The following DEFB121 variants were observed in gnomAD, a reference collection of about 807,000 sequenced individuals.
DEFB121 encodes defensin beta 121.
Under a neutral mutation model 2.5 loss-of-function variants are expected in DEFB121, and 5 were observed. The ratio of observed to expected loss-of-function variants is 1.96; its 90% CI spans 1.03 to 4.13. DEFB121 has a LOEUF of 4.13. DEFB121 is among the 30% of genes most tolerant of loss of function. The pLI is 0.00. For synonymous variants in DEFB121, 39 were observed against 32.6 expected, an observed-to-expected ratio of 1.20 and a Z score of -0.67; for missense variants, 87 against 85.0, an observed-to-expected ratio of 1.02 and a Z score of -0.09.
upstream of DEFB121, among the ~76,000 whole-genome samples, chr20:31,415,805 T>C (rs1270239775): frequency 1.3e-5 from 2 of 152,078 alleles, no homozygotes; most frequent in Non-Finnish European, 2.9e-5. Context: ...AAAAGAGTAC[T>C]TCAGGCAAGG....
At chr20:31,408,108 T>C (rs977022621), upstream of DEFB121, among the ~76,000 whole-genome samples, 1 of 151,966 alleles carries the variant, frequency 6.6e-6, no homozygotes, top group Non-Finnish European at 1.5e-5. Flanking sequence ...TGGACAGAAA[T>C]AAAGACATAC....
chr20:31,417,652 A>G (rs1978844586), upstream of DEFB121, among the ~76,000 whole-genome samples: 1 of 152,156 alleles, frequency 6.6e-6, no homozygotes, highest in South Asian at 2.1e-4. Flanking sequence ...AATTGATTTC[A>G]GTAATCCCAC....
upstream of DEFB121, among the ~76,000 whole-genome samples, chr20:31,413,798 AAAC>A (rs1978729189): frequency 6.6e-6 from 1 of 152,352 alleles, no homozygotes; most frequent in South Asian, 2.1e-4. Context: ...AGAATTATCC[AAAC>A]AACAAAAGAC....
At chr20:31,413,811 C>A (rs1978729624), upstream of DEFB121, among the ~76,000 whole-genome samples, 1 of 152,188 alleles carries the variant, frequency 6.6e-6, no homozygotes, top group African/African-American at 2.4e-5. Flanking sequence ...CAACAAAAGA[C>A]AATTGTGGGC....
upstream of DEFB121, among the ~76,000 whole-genome samples, chr20:31,415,696 G>A (rs536490425): frequency 7.2e-5 from 11 of 152,060 alleles, no homozygotes; most frequent in African/African-American, 2.7e-4. Context: ...ACCACCCAAG[G>A]GCCAGGGCAT....
chr20:31,410,700 A>G (rs2122357680), upstream of DEFB121, among the ~76,000 whole-genome samples: 1 of 152,208 alleles, frequency 6.6e-6, no homozygotes, highest in East Asian at 1.9e-4. Flanking sequence ...CTCCTTCCAG[A>G]AGGGACTGCA....
Position 31,406,084 on chromosome 20 carries a change from A to T in DEFB121, c.58+11T>A. The T allele has an allele frequency of 6.2e-7, 1 of 1,614,008 alleles. No homozygotes were observed. The highest frequency in any genetic ancestry group is 1.1e-5 in the South Asian group (1 of 91,070). ...TCCTGACTCCCATCCCCTTCTGGAG[A>T]TCCTGTTTACCTGGGGTGACCTGGG... On this transcript the variant is annotated intron_variant, in intron 1 of 1. Transcript: ENST00000376314.
upstream of DEFB121, among the ~76,000 whole-genome samples, chr20:31,408,026 G>A (rs1193107698): frequency 3.9e-5 from 6 of 152,152 alleles, no homozygotes; most frequent in African/African-American, 1.2e-4. Flanking sequence ...TGATCCACCC[G>A]CCTCAGCCTC....
At chr20:31,409,848 C>T (rs1978608202), upstream of DEFB121, among the ~76,000 whole-genome samples, 1 of 152,150 alleles carries the variant, frequency 6.6e-6, no homozygotes, top group East Asian at 1.9e-4. Flanking sequence ...AGCTTATTCA[C>T]ATGAAACTCT....
chr20:31,410,144 T>G (rs1332294424), upstream of DEFB121, among the ~76,000 whole-genome samples: 6 of 152,224 alleles, frequency 3.9e-5, no homozygotes, highest in Admixed American at 3.3e-4. Context: ...ACACATTTAA[T>G]GTGGTACACA....
At chr20:31,405,954 C>T in intron 1 of DEFB121, 141 bp downstream of exon 1, 1 of 860,520 alleles carries the variant, frequency 1.2e-6, no homozygotes, top group Non-Finnish European at 1.8e-6. Context: ...CTCAAACTTC[C>T]CCATAACTAG....
At chr20:31,412,550 A>C in intron 1 of DEFB121, 1 of 1,140,054 alleles carries the variant, frequency 8.8e-7, no homozygotes. Context: ...TGTAAAGCTC[A>C]GGGAATAGTG....
chr20:31,405,364 G>A (rs1188605852), intron 1 of DEFB121, among the ~76,000 whole-genome samples: 3 of 152,064 alleles, frequency 2.0e-5, no homozygotes, highest in East Asian at 1.9e-4. Flanking sequence ...CCTTGGGAGG[G>A]GGAAGAGGAC....
At chr20:31,411,720 G>T (rs1978671078) in intron 1 of DEFB121, among the ~76,000 whole-genome samples, 1 of 152,252 alleles carries the variant, frequency 6.6e-6, no homozygotes, top group South Asian at 2.1e-4. Context: ...GGTTGGTACT[G>T]ATGAGTGGAC....
Sources: allele counts gnomAD v4.1 joint callset (sites outside exome capture counted in the v4.1 genomes callset), GRCh38; gene constraint gnomAD v4.1.1; transcripts MANE v1.5; gene names NCBI Gene and HGNC (gene_info 2026-07-23, HGNC 2026-07-21).